The following CD247 variants were observed in gnomAD, a reference collection of about 807,000 sequenced individuals.
CD247 encodes the protein T-cell surface glycoprotein CD3 zeta chain.
In CD247, 13 loss-of-function variants were observed where a neutral mutation model predicts 30.0. That is an observed-to-expected ratio of 0.43 (90% CI 0.28 to 0.69). The LOEUF (loss-of-function observed/expected upper bound fraction) is 0.69. Among genes scored for constraint, CD247 ranks in the 30% least tolerant of loss-of-function variants. The pLI, the probability that CD247 is intolerant of heterozygous loss-of-function variation, is 0.16. For missense variants in CD247, 193 were observed against 212.6 expected (o/e 0.91, Z 0.57); for synonymous variants, 72 against 80.0 (o/e 0.90, Z 0.53).
intron 1 of CD247, among the ~76,000 whole-genome samples, chr1:167,516,959 C>G (rs1375594742): frequency 6.6e-6 from 1 of 152,184 alleles, no homozygotes; most frequent in Non-Finnish European, 1.5e-5. Flanking sequence ...AGGTAAAGAC[C>G]CTGAAAGGTT....
At chr1:167,460,159 TG>T (rs1461058267) in intron 1 of CD247, among the ~76,000 whole-genome samples, 1 of 152,064 alleles carries the variant, frequency 6.6e-6, no homozygotes, top group Non-Finnish European at 1.5e-5. Context: ...CCCAGCACTT[TG>T]GGAGGCTGAG....
intron 1 of CD247, among the ~76,000 whole-genome samples, chr1:167,479,574 G>A (rs1266076993): frequency 6.6e-6 from 1 of 152,176 alleles, no homozygotes; most frequent in East Asian, 1.9e-4. Context: ...GTTCAGGTTT[G>A]TTTTTGCATC....
intron 5 of CD247, 144 bp from the exon 6 acceptor site, chr1:167,434,220 T>G: frequency 2.6e-6 from 2 of 771,826 alleles, no homozygotes; most frequent in Non-Finnish European, 4.6e-6. Context: ...CCAAACCTTA[T>G]GCACACAAAC....
chr1:167,439,322 G>A lies in CD247; in HGVS notation c.219+22C>T, dbSNP rs1161961347. ...GGAGGCTGCCCTTCCTTTCCGGAGG[G>A]TCTACGGCGAGGCTGACTTACGTTA... On this transcript the variant is annotated intron_variant, in intron 3 of 7. Coordinates refer to ENST00000362089, the MANE Select transcript of CD247 (RefSeq NM_198053.3). 6 of 1,611,198 alleles carry A rather than the reference G, an allele frequency of 3.7e-6. No homozygotes were observed. In the Admixed American group the frequency reaches 8.3e-5, roughly 22 times the overall value.
chr1:167,438,262 G>A (rs1651640780), intron 4 of CD247, among the ~76,000 whole-genome samples: 1 of 152,188 alleles, frequency 6.6e-6, no homozygotes, highest in Non-Finnish European at 1.5e-5. Flanking sequence ...GTCCTCTTGG[G>A]GCAGATGGCG....
At chr1:167,448,018 G>A (rs1014161160) in intron 1 of CD247, among the ~76,000 whole-genome samples, 1 of 152,040 alleles carries the variant, frequency 6.6e-6, no homozygotes, top group African/African-American at 2.4e-5. Context: ...GTGTGATGCC[G>A]ACCCATTGAC....
chr1:167,461,720 C>T (rs754661524), intron 1 of CD247, among the ~76,000 whole-genome samples: 3 of 151,910 alleles, frequency 2.0e-5, no homozygotes, highest in Non-Finnish European at 4.4e-5. Flanking sequence ...TGGTGGTGGG[C>T]GCCTGTAGTC....
chr1:167,463,030 G>A (rs554648787), intron 1 of CD247, among the ~76,000 whole-genome samples: 1 of 152,282 alleles, frequency 6.6e-6, no homozygotes, highest in Admixed American at 6.5e-5. Context: ...TAAGAATTTG[G>A]GGACTGCTTC....
At chr1:167,479,854 C>A (rs1040810611) in intron 1 of CD247, among the ~76,000 whole-genome samples, 4 of 152,248 alleles carry the variant, frequency 2.6e-5, no homozygotes, top group East Asian at 3.8e-4. Flanking sequence ...TCTTTGCCTG[C>A]ACCAAATAAT....
At chr1:167,516,740 A>C (rs1252729114) in intron 1 of CD247, among the ~76,000 whole-genome samples, 1 of 151,994 alleles carries the variant, frequency 6.6e-6, no homozygotes, top group Non-Finnish European at 1.5e-5. Context: ...ACTGAGAAGC[A>C]AAAAATCCAG....
rs758846009 is a variant in CD247, at chr1:167,431,709, A to G, written c.467T>C (p.Leu156Pro). 6.2e-7 allele frequency: 1 copy of G among 1,614,174 alleles called. No homozygotes were observed. Among genetic ancestry groups the G allele is most frequent in the East Asian group, 2.2e-5 (1 of 44,880 alleles). The change falls in exon 8 of 8, where the codon CTT becomes CCT. Residue 156 changes from leucine (L) to proline (P), a missense_variant. Leu to Pro is a moderately conservative substitution (Grantham distance 98). Transcript: ENST00000362089. ...STATKDTYDA[L>P]HMQALPPR ...GCGAGGGGGCAGGGCCTGCATGTGA[A>G]GGGCGTCGTAGGTGTCCTTGGTGGC... is the stretch of plus-strand genomic sequence containing the variant.
At chr1:167,466,791 T>C (rs138046581) in intron 1 of CD247, among the ~76,000 whole-genome samples, 1 of 151,792 alleles carries the variant, frequency 6.6e-6, no homozygotes, top group Non-Finnish European at 1.5e-5. Context: ...TTAGTTAACA[T>C]GCAAAGGCTT....
intron 1 of CD247, among the ~76,000 whole-genome samples, chr1:167,496,743 G>T (rs1246400359): frequency 1.3e-5 from 2 of 152,188 alleles, no homozygotes; most frequent in Admixed American, 6.5e-5. Flanking sequence ...TCTAATCAGG[G>T]ACTGAGTCGG....
chr1:167,457,733 A>G (rs1309670946), intron 1 of CD247: 5 of 152,116 alleles, frequency 3.3e-5, no homozygotes, highest in African/African-American at 7.2e-5. Flanking sequence ...GCCCATTCCA[A>G]TGTCAACTGC....
intron 1 of CD247, among the ~76,000 whole-genome samples, chr1:167,475,321 C>G (rs1261592959): frequency 6.6e-6 from 1 of 152,152 alleles, no homozygotes; most frequent in Non-Finnish European, 1.5e-5. Context: ...CCAGTCCCCT[C>G]TCCCCTGGAT....
At chr1:167,489,768 C>T (rs796882209) in intron 1 of CD247, among the ~76,000 whole-genome samples, 15 of 152,340 alleles carry the variant, frequency 9.8e-5, no homozygotes, top group African/African-American at 3.6e-4. Flanking sequence ...GGGCAGCCCC[C>T]TCCTGGGCTC....
At chr1:167,454,511 C>T (rs967208600) in intron 1 of CD247, among the ~76,000 whole-genome samples, 48 of 152,258 alleles carry the variant, frequency 3.2e-4, no homozygotes, top group Admixed American at 3.1e-3. Flanking sequence ...GCTTTGCGCC[C>T]AGCCCTGGCT....
chr1:167,431,818 C>G (rs1398528107), intron 7 of CD247, 72 bp from the exon 8 acceptor site: 2 of 1,266,038 alleles, frequency 1.6e-6, no homozygotes, highest in African/African-American at 2.9e-5. Flanking sequence ...ACCCAGAGGC[C>G]AACAGGTGTC....
chr1:167,514,462 T>A (rs35809886), intron 1 of CD247, among the ~76,000 whole-genome samples: 6,757 of 152,288 alleles, frequency 0.044, 519 homozygotes, highest in African/African-American at 0.15. Flanking sequence ...GGTACCATGC[T>A]AAGTGCTGGG....
Sources: gnomAD v4.1 joint callset for allele counts (sites outside exome capture counted in the v4.1 genomes callset) on GRCh38, gnomAD v4.1.1 for gene constraint, MANE v1.5 for transcripts, NCBI Gene and HGNC (gene_info 2026-07-23, HGNC 2026-07-21) for gene names.